Variants in ADAM19 observed in about 807,000 individuals in gnomAD.
The protein encoded by ADAM19 is ADAM metallopeptidase domain 19, also known as disintegrin and metalloproteinase domain-containing protein 19.
In ADAM19, 65 loss-of-function variants were observed where a neutral mutation model predicts 114.7. That is an observed-to-expected ratio of 0.57 (90% CI 0.46 to 0.70). The LOEUF is 0.70. Ranked by LOEUF, ADAM19 falls within the 30% of genes least tolerant of loss-of-function variation. ADAM19 has a pLI of 0.00. For missense variants in ADAM19, 1,063 were observed against 1,204.7 expected, an observed-to-expected ratio of 0.88 and a Z score of 1.74; for synonymous variants, 466 against 460.5, an observed-to-expected ratio of 1.01 and a Z score of -0.15.
intron 5 of ADAM19, among the ~76,000 whole-genome samples, chr5:157,525,556 T>C (rs1756428822): frequency 6.6e-6 from 1 of 152,302 alleles, no homozygotes; most frequent in African/African-American, 2.4e-5. Flanking sequence ...CTCTGGGGTA[T>C]GCCCCTGACC....
intron 4 of ADAM19, 44 bp from the exon 5 acceptor site, chr5:157,530,927 A>G: frequency 6.6e-7 from 1 of 1,517,022 alleles, no homozygotes; most frequent in Non-Finnish European, 9.2e-7. Flanking sequence ...AACACTGATA[A>G]GCATGGCAAT....
intron 12 of ADAM19, among the ~76,000 whole-genome samples, chr5:157,500,863 T>G (rs1278038484): frequency 6.6e-6 from 1 of 152,162 alleles, no homozygotes; most frequent in Non-Finnish European, 1.5e-5. Flanking sequence ...TGATGAAAAG[T>G]GTACGGGGCT....
intron 14 of ADAM19, among the ~76,000 whole-genome samples, chr5:157,495,185 T>C (rs1381056380): frequency 1.3e-5 from 2 of 152,072 alleles, no homozygotes; most frequent in African/African-American, 2.4e-5. Flanking sequence ...ATTTTTTTTG[T>C]AGAAATGGGG....
intron 5 of ADAM19, among the ~76,000 whole-genome samples, chr5:157,530,295 A>C (rs1266459345): frequency 6.6e-6 from 1 of 152,218 alleles, no homozygotes; most frequent in Non-Finnish European, 1.5e-5. Context: ...TAGGACAACT[A>C]AGGACAGAGA....
intron 3 of ADAM19, among the ~76,000 whole-genome samples, chr5:157,546,083 A>G (rs775344880): frequency 6.6e-6 from 1 of 152,228 alleles, no homozygotes; most frequent in African/African-American, 2.4e-5. Flanking sequence ...CCAGTGAGGC[A>G]GGCCTAGGTT....
At chr5:157,502,161 T>C (rs923629265) in intron 12 of ADAM19, among the ~76,000 whole-genome samples, 7 of 152,186 alleles carry the variant, frequency 4.6e-5, no homozygotes, top group African/African-American at 2.4e-5. Flanking sequence ...TGTATAAACA[T>C]ACATATTTTC....
chr5:157,571,060 T>G (rs1757807853), intron 1 of ADAM19, 80 bp from the exon 2 acceptor site: 1 of 1,244,608 alleles, frequency 8.0e-7, no homozygotes, highest in East Asian at 2.3e-5. Context: ...TTCTGTGAGC[T>G]GCCCCTGCAC....
chr5:157,503,041 T>A, intron 11 of ADAM19, 61 bp from the exon 12 acceptor site: 1 of 1,519,540 alleles, frequency 6.6e-7, no homozygotes, highest in Non-Finnish European at 9.0e-7. Flanking sequence ...CAGGCAGGTG[T>A]CACTCGTGCT....
chr5:157,490,417 G>A lies in ADAM19; in HGVS notation c.2133C>T (p.Ile711=). ...GPVVAGVLVA[I]LVLAVLMLMY... is the part of the protein sequence containing the mutation. ...TCAGCATGAGGACCGCCAGCACCAA[G>A]ATGGCCACCAACACTCCAGCTACCA... The change falls in exon 19 of 23, where the codon ATC becomes ATT. Residue 711 remains isoleucine (I), a synonymous_variant. Coordinates refer to ENST00000257527, the MANE Select transcript of ADAM19 (RefSeq NM_033274.5). 1 of 1,614,122 alleles carries A rather than the reference G, an allele frequency of 6.2e-7. No individual in the cohort carries two copies.
rs201046299 is a variant in ADAM19 at position 157,539,585 on chromosome 5, GGACAA to G, written c.252-1599_252-1595del. Among the ~76,000 whole-genome samples the G allele has an allele frequency of 4.8e-3, 726 of 152,236 alleles. 6 individuals carry two copies. Among genetic ancestry groups the G allele is most frequent in the African/African-American group, 0.016 (678 of 41,520 alleles). ...GTCAAGGCCTTCAACTTCTCGCCTTGGACAAGAAGAAAAGAAGCCCAACAGGAAAA... is the reference window on the plus strand; with the variant it reads ...GTCAAGGCCTTCAACTTCTCGCCTTGGAAGAAAAGAAGCCCAACAGGAAAA... On this transcript the variant is annotated intron_variant, in intron 3 of 22. Coordinates refer to ENST00000257527, the MANE Select transcript of ADAM19 (RefSeq NM_033274.5).
At position 157,488,403 on chromosome 5, in the gene ADAM19, A is replaced by G. The variant is rs767512014; in HGVS notation, c.2412T>C (p.Pro804=). ...PPDYLRGGSP[P]APLPAHLSRA... ...TGCTCAGGTGAGCTGGCAGTGGTGC[A>G]GGTGGGGACCCACCACGCAGATAAT... The change falls in exon 21 of 23, where the codon CCT becomes CCC. Residue 804 remains proline (P), a synonymous_variant. Coordinates refer to ENST00000257527, the MANE Select transcript of ADAM19 (RefSeq NM_033274.5). 1 of 1,614,028 alleles carries G rather than the reference A, an allele frequency of 6.2e-7. No homozygotes were observed. Among genetic ancestry groups the G allele is most frequent in the Admixed American group, 1.7e-5 (1 of 60,006 alleles).
chr5:157,486,948 G>C (rs1305580362), intron 21 of ADAM19, among the ~76,000 whole-genome samples: 1 of 152,150 alleles, frequency 6.6e-6, no homozygotes, highest in Non-Finnish European at 1.5e-5. Flanking sequence ...TGGACAGGCA[G>C]ACACCAGGGA....
chr5:157,508,039 A>G (rs1228532390), intron 9 of ADAM19, among the ~76,000 whole-genome samples: 1 of 152,204 alleles, frequency 6.6e-6, no homozygotes, highest in African/African-American at 2.4e-5. Context: ...TATACAATAA[A>G]TGTTTGCTGA....
chr5:157,510,856 A>T (rs1347965729), intron 8 of ADAM19, among the ~76,000 whole-genome samples: 1 of 152,196 alleles, frequency 6.6e-6, no homozygotes, highest in East Asian at 1.9e-4. Flanking sequence ...ATGACATAAA[A>T]GTGCACAGAT....
chr5:157,544,138 A>G (rs1165033385), intron 3 of ADAM19, among the ~76,000 whole-genome samples: 1 of 152,162 alleles, frequency 6.6e-6, no homozygotes, highest in Non-Finnish European at 1.5e-5. Flanking sequence ...GGAAGGGGGA[A>G]CTTTGGAGGT....
chr5:157,551,058 C>T (rs777802908), intron 3 of ADAM19, among the ~76,000 whole-genome samples: 10 of 151,990 alleles, frequency 6.6e-5, no homozygotes, highest in African/African-American at 1.2e-4. Context: ...AAAACTAGGC[C>T]CCTATCTCTC....
chr5:157,516,970 G>T (rs1359964780), intron 7 of ADAM19, among the ~76,000 whole-genome samples: 2 of 151,606 alleles, frequency 1.3e-5, no homozygotes, highest in African/African-American at 4.9e-5. Context: ...ACAAACAGCT[G>T]TTGGAAAAAC....
chr5:157,537,819 G>A, intron 4 of ADAM19, 94 bp downstream of exon 4: 1 of 1,171,016 alleles, frequency 8.5e-7, no homozygotes, highest in South Asian at 1.3e-5. Flanking sequence ...TCCCTTCAGA[G>A]GAGAGACCAA....
chr5:157,575,134 G>A (rs1757936778), intron 1 of ADAM19, among the ~76,000 whole-genome samples: 1 of 152,240 alleles, frequency 6.6e-6, no homozygotes, highest in African/African-American at 2.4e-5. Context: ...TACCCCACCA[G>A]TGTGGCAGGC....
Sources: gnomAD v4.1 joint callset for allele counts (sites outside exome capture counted in the v4.1 genomes callset) on GRCh38, gnomAD v4.1.1 for gene constraint, MANE v1.5 for transcripts, NCBI Gene and HGNC (gene_info 2026-07-23, HGNC 2026-07-21) for gene names.